The following SRL variants were observed in gnomAD, a reference collection of about 807,000 sequenced individuals.
SRL encodes sarcalumenin.
Under a neutral mutation model 39.5 loss-of-function variants are expected in SRL, and 23 were observed. The ratio of observed to expected loss-of-function variants is 0.58; its 90% CI spans 0.42 to 0.82. The LOEUF is 0.82. Ranked by LOEUF, SRL falls within the 40% of genes least tolerant of loss-of-function variation. The pLI, the probability that SRL is intolerant of heterozygous loss-of-function variation, is 0.00. For missense variants in SRL, 592 were observed against 607.8 expected, an observed-to-expected ratio of 0.97 and a Z score of 0.27; for synonymous variants, 272 against 237.4, an observed-to-expected ratio of 1.15 and a Z score of -1.34.
intron 1 of SRL, among the ~76,000 whole-genome samples, chr16:4,217,493 C>T (rs972439877): frequency 6.6e-6 from 1 of 152,202 alleles, no homozygotes; most frequent in Non-Finnish European, 1.5e-5. Context: ...CTCAAGCGAT[C>T]CTCCAGCCTT....
chr16:4,241,427 G>A (rs1008692772), intron 1 of SRL, among the ~76,000 whole-genome samples: 1 of 152,132 alleles, frequency 6.6e-6, no homozygotes, highest in Non-Finnish European at 1.5e-5. Context: ...AACGGGCCCC[G>A]TTCCTCTTCT....
chr16:4,228,499 G>A (rs1005160094), intron 1 of SRL, among the ~76,000 whole-genome samples: 1 of 152,028 alleles, frequency 6.6e-6, no homozygotes, highest in Non-Finnish European at 1.5e-5. Context: ...ACTTTGGGAG[G>A]CCGAGGCGGG....
Position 4,192,704 on chromosome 16 carries a change from T to C in SRL, c.871A>G (p.Ser291Gly). 1 of 1,614,148 alleles carries C rather than the reference T, an allele frequency of 6.2e-7. No individual in the cohort carries two copies. The highest frequency in any genetic ancestry group is 8.5e-7 in the Non-Finnish European group (1 of 1,180,032). The stretch of plus-strand genomic sequence containing the variant: ...TTATACTCTTGTGGCCAGAAGGAGC[T>C]GACGTAAACCCTTGGGGGCTCTGTG... ...NVTEPPRVYV[S>G]SFWPQEYKPD... The change falls in exon 6 of 6, where the codon AGC (serine) becomes GGC (glycine). Residue 291 changes from serine to glycine, a missense_variant. Coordinates refer to ENST00000399609, the MANE Select transcript of SRL (RefSeq NM_001098814.2). The surrounding 1 kb of genome is among the most constrained non-coding windows in gnomAD (Gnocchi z 4.0).
At chr16:4,208,454 G>C (rs2052353928) in intron 1 of SRL, among the ~76,000 whole-genome samples, 1 of 152,108 alleles carries the variant, frequency 6.6e-6, no homozygotes, top group African/African-American at 2.4e-5. Context: ...ACTGTATATG[G>C]AGGGAAAGTT....
rs201140750 is a variant in SRL at position 4,192,237 on chromosome 16, G to A, written c.1338C>T (p.Leu446=). ...TQELPGLLGS[L]GLGKNPGALN... ...GAGCACCTGGATTCTTCCCGAGCCC[G>A]AGGCTACCCAGGAGGCCCGGAAGCT... is the stretch of plus-strand genomic sequence containing the variant. The change falls in exon 6 of 6, where the codon CTC becomes CTT. Residue 446 remains leucine, a synonymous_variant. Coordinates refer to ENST00000399609, the MANE Select transcript of SRL (RefSeq NM_001098814.2). The surrounding 1 kb of genome is among the most constrained non-coding windows in gnomAD (Gnocchi z 4.0). The A allele has an allele frequency of 5.0e-4, 810 of 1,611,360 alleles. 3 individuals are homozygous for A. Among genetic ancestry groups the A allele is most frequent in the Non-Finnish European group, 4.8e-4 (565 of 1,179,054 alleles).
chr16:4,216,661 T>C (rs189871969), intron 1 of SRL, among the ~76,000 whole-genome samples: 1 of 152,298 alleles, frequency 6.6e-6, no homozygotes, highest in East Asian at 1.9e-4. Flanking sequence ...GCAGGGATAC[T>C]CTATAGAGCA....
At chr16:4,234,868 G>A (rs1040788884) in intron 1 of SRL, among the ~76,000 whole-genome samples, 5 of 152,238 alleles carry the variant, frequency 3.3e-5, no homozygotes, top group Admixed American at 2.0e-4. Flanking sequence ...TACCACCTCC[G>A]TGTTGAGATT....
chr16:4,240,089 AAGG>A (rs2052756532), intron 1 of SRL, among the ~76,000 whole-genome samples: 2 of 152,310 alleles, frequency 1.3e-5, no homozygotes, highest in South Asian at 2.1e-4. Flanking sequence ...CACGAGCAAC[AAGG>A]AGGAGAAGCC....
intron 1 of SRL, among the ~76,000 whole-genome samples, chr16:4,218,828 A>C (rs2052489809): frequency 1.3e-5 from 2 of 152,248 alleles, no homozygotes; most frequent in Non-Finnish European, 2.9e-5. Flanking sequence ...GAGTTAGTTA[A>C]GGAGGAAGGC....
At chr16:4,222,570 G>T (rs112290141) in intron 1 of SRL, among the ~76,000 whole-genome samples, 1 of 151,908 alleles carries the variant, frequency 6.6e-6, no homozygotes, top group Non-Finnish European at 1.5e-5. Context: ...CACTGCACCC[G>T]GCTTTTTTGT....
At chr16:4,218,221 T>G (rs1346891478) in intron 1 of SRL, among the ~76,000 whole-genome samples, 2 of 152,010 alleles carry the variant, frequency 1.3e-5, no homozygotes, top group Non-Finnish European at 2.9e-5. Flanking sequence ...TGAAGTGAGG[T>G]GACCCCGCAC....
At chr16:4,195,483 C>T in intron 5 of SRL, 70 bp downstream of exon 5, 1 of 1,431,098 alleles carries the variant, frequency 7.0e-7, no homozygotes, top group Non-Finnish European at 9.8e-7. Flanking sequence ...CAGGCATGAG[C>T]CATCATGCCT....
chr16:4,194,899 CTT>C (rs899424989), intron 5 of SRL, among the ~76,000 whole-genome samples: 1 of 147,488 alleles, frequency 6.8e-6, no homozygotes, highest in Admixed American at 6.8e-5. Context: ...TCTTTTCTTC[CTT>C]TTTTTTTTTC....
At chr16:4,235,109 G>GGA (rs911453560) in intron 1 of SRL, among the ~76,000 whole-genome samples, 2 of 152,186 alleles carry the variant, frequency 1.3e-5, no homozygotes, top group African/African-American at 4.8e-5. Flanking sequence ...AGTAGGGAAG[G>GGA]GAGACCCAAG....
chr16:4,206,638 C>T, intron 1 of SRL: 1 of 454,344 alleles, frequency 2.2e-6, no homozygotes, highest in South Asian at 1.6e-5. Flanking sequence ...CTGCCACCTT[C>T]TGTCCCTGCC....
intron 1 of SRL, among the ~76,000 whole-genome samples, chr16:4,238,293 C>T (rs1417286068): frequency 2.6e-5 from 4 of 152,136 alleles, no homozygotes; most frequent in Admixed American, 1.3e-4. Context: ...CTCATTCCAG[C>T]CAGGATGCAC....
rs1297684528 is a variant in SRL, at chr16:4,210,042, C to T, written c.62-5408G>A. ...TCCTGGCTCCTGATTTGCAGGAATC[C>T]AATTTAATTCTGTGTTCCCAGGGCC... On this transcript the variant is annotated intron_variant, in intron 1 of 5. Coordinates refer to ENST00000399609, the MANE Select transcript of SRL (RefSeq NM_001098814.2). Among the ~76,000 whole-genome samples the T allele has an allele frequency of 5.9e-5, 9 of 152,174 alleles. No individual in the cohort carries two copies. The East Asian group carries it at 1.7e-3, about 29-fold the overall frequency.
At chr16:4,219,250 T>TTG (rs1437889273) in intron 1 of SRL, among the ~76,000 whole-genome samples, 2 of 152,246 alleles carry the variant, frequency 1.3e-5, no homozygotes, top group African/African-American at 4.8e-5. Context: ...GCAGCCGTAG[T>TTG]CTTCCCATAG....
At chr16:4,211,438 G>A (rs980387240) in intron 1 of SRL, among the ~76,000 whole-genome samples, 6 of 152,062 alleles carry the variant, frequency 3.9e-5, no homozygotes, top group South Asian at 2.1e-4. Context: ...TGACCGTGCC[G>A]ATGATGAGGA....
Sources: allele counts gnomAD v4.1 joint callset (sites outside exome capture counted in the v4.1 genomes callset), GRCh38; gene constraint gnomAD v4.1.1; non-coding constraint Gnocchi (gnomAD v3.1); transcripts MANE v1.5; gene names NCBI Gene and HGNC (gene_info 2026-07-23, HGNC 2026-07-21).